The following HNF4G variants were observed in gnomAD, a reference collection of about 807,000 sequenced individuals.
HNF4G encodes hepatocyte nuclear factor 4 gamma, also known as hepatocyte nuclear factor 4-gamma.
A neutral mutation model predicts 50.9 loss-of-function variants in HNF4G; 21 were observed. That is an observed-to-expected ratio of 0.41 (90% CI 0.29 to 0.59). The LOEUF (loss-of-function observed/expected upper bound fraction) is 0.59. Among genes scored for constraint, HNF4G ranks in the 20% least tolerant of loss-of-function variants. The pLI, the probability that HNF4G is intolerant of heterozygous loss-of-function variation, is 0.26. For synonymous variants in HNF4G, 198 were observed against 185.6 expected (o/e 1.07, Z -0.54); for missense variants, 527 against 559.4 (o/e 0.94, Z 0.58).
intron 2 of HNF4G, among the ~76,000 whole-genome samples, chr8:75,507,741 GA>G (rs1368681104): frequency 1.3e-5 from 2 of 152,090 alleles, no homozygotes; most frequent in Admixed American, 1.3e-4. Flanking sequence ...TGTTCAAAAA[GA>G]ATTAATTCAT....
intron 1 of HNF4G, among the ~76,000 whole-genome samples, chr8:75,437,942 A>G (rs1811179203): frequency 6.6e-6 from 1 of 152,182 alleles, no homozygotes; most frequent in Non-Finnish European, 1.5e-5. Context: ...TTATTTCTAA[A>G]TAAAATGCTA....
chr8:75,429,371 T>G (rs940536847), intron 1 of HNF4G, among the ~76,000 whole-genome samples: 15 of 152,176 alleles, frequency 9.9e-5, no homozygotes, highest in Non-Finnish European at 1.5e-5. Flanking sequence ...TTTCTCTCTT[T>G]TTTTTTCTTT....
chr8:75,433,557 C>CAGT (rs143952455), intron 1 of HNF4G, among the ~76,000 whole-genome samples: 44 of 151,496 alleles, frequency 2.9e-4, no homozygotes, highest in East Asian at 2.3e-3. Flanking sequence ...TTACTATTAT[C>CAGT]AGTAGTAGTA....
At chr8:75,466,625 C>T (rs1315297790) in intron 1 of HNF4G, among the ~76,000 whole-genome samples, 8 of 82,336 alleles carry the variant, frequency 9.7e-5, no homozygotes, top group African/African-American at 2.3e-4. Flanking sequence ...TCCTTCCTTC[C>T]TTCCTTCCTT....
chr8:75,548,734 A>T (rs1806861350), intron 3 of HNF4G, among the ~76,000 whole-genome samples: 1 of 152,210 alleles, frequency 6.6e-6, no homozygotes, highest in South Asian at 2.1e-4. Context: ...TTTCACAACT[A>T]TTTCACAAAC....
rs185295137 is a variant in HNF4G at position 75,421,030 on chromosome 8, C to A, written c.-144+12868C>A. ...ACTTTTAGTTCTCTTATAGCCACATCGCAGGTAAGTAGAAACAAAGGAAAG... is the reference window on the plus strand; with the variant it reads ...ACTTTTAGTTCTCTTATAGCCACATAGCAGGTAAGTAGAAACAAAGGAAAG... On this transcript the variant is annotated intron_variant, in intron 1 of 10. Transcript: ENST00000354370. 1.5e-3 allele frequency among the ~76,000 whole-genome samples: 229 copies of A among 152,218 alleles called. 1 individual carries two copies. Among genetic ancestry groups the A allele is most frequent in the Non-Finnish European group, 2.7e-3 (186 of 68,030 alleles).
rs780684408 is a variant in HNF4G at position 75,553,097 on chromosome 8, G to T, written c.545G>T (p.Ser182Ile). 1 of 1,612,534 alleles carries T rather than the reference G, an allele frequency of 6.2e-7. No homozygotes were observed. Among genetic ancestry groups the T allele is most frequent in the Non-Finnish European group, 8.5e-7 (1 of 1,179,026 alleles). Residue 182 changes from serine to isoleucine, a missense_variant, in exon 5 of 10, where the codon AGT (serine) becomes ATT (isoleucine). Transcript: ENST00000396423. Reference sequence around the variant, plus strand: ...GACATAAACGTTAAGAAAATTGCAAGTATTGGTGATGTCTGTGAATCTATG... The same window carrying T: ...GACATAAACGTTAAGAAAATTGCAATTATTGGTGATGTCTGTGAATCTATG... ...STDINVKKIASIGDVCESMKQ... is the reference protein window; with the variant it reads ...STDINVKKIAIIGDVCESMKQ...
chr8:75,501,827 C>CT (rs1466682997), intron 2 of HNF4G, among the ~76,000 whole-genome samples: 2 of 118,132 alleles, frequency 1.7e-5, no homozygotes, highest in East Asian at 4.7e-4. Flanking sequence ...ACATAATTAT[C>CT]TTTTTTTCAT....
Position 75,435,018 on chromosome 8 carries a change from A to G in HNF4G, c.-144+26856A>G, listed in dbSNP as rs1811103973. ...AACCTATAATTTCAGTCTTACTTTA[A>G]CTCTTTAAAAGAACAGAACATTTGG... On this transcript the variant is annotated intron_variant, in intron 1 of 10. Transcript: ENST00000354370. Among the ~76,000 whole-genome samples, 3 of 152,164 alleles carry G rather than the reference A, an allele frequency of 2.0e-5. No homozygotes were observed. In the South Asian group the frequency reaches 6.2e-4, roughly 32 times the overall value.
At chr8:75,538,706 G>A (rs2977927), upstream of HNF4G, among the ~76,000 whole-genome samples, 1 of 152,132 alleles carries the variant, frequency 6.6e-6, no homozygotes, top group Non-Finnish European at 1.5e-5. Context: ...TCACAATTAA[G>A]AGTATACAGA....
At chr8:75,480,745 A>G (rs919087314) in intron 1 of HNF4G, among the ~76,000 whole-genome samples, 1 of 146,694 alleles carries the variant, frequency 6.8e-6, no homozygotes, top group Non-Finnish European at 1.5e-5. Flanking sequence ...TTGAGACAGA[A>G]TCTCACCCAG....
chr8:75,499,529 G>A (rs577130702), intron 2 of HNF4G, among the ~76,000 whole-genome samples: 1 of 151,774 alleles, frequency 6.6e-6, no homozygotes, highest in African/African-American at 2.4e-5. Flanking sequence ...TTGACAAGCT[G>A]ATAATAAAGT....
chr8:75,553,305 G>C, intron 5 of HNF4G, 108 bp downstream of exon 5: 1 of 876,254 alleles, frequency 1.1e-6, no homozygotes, highest in Non-Finnish European at 1.7e-6. Context: ...ACTGTATTTG[G>C]CAAAAGATAA....
At chr8:75,551,295 C>T (rs913868556) in intron 3 of HNF4G, 93 bp from the exon 4 acceptor site, 3 of 668,584 alleles carry the variant, frequency 4.5e-6, no homozygotes, top group Non-Finnish European at 5.2e-6. Context: ...CTTTTTCTCA[C>T]TTTTTTTACT....
rs377394041 is a variant in HNF4G at position 75,526,529 on chromosome 8, TTTC to T, written c.-23-17267_-23-17265del. ...GTCTCCTTCTCCTTCTCCTTTCTCC[TTTC>T]TTCTTCTTCTTCTTTTTTTGAGACA... On this transcript the variant is annotated intron_variant, in intron 2 of 10. Coordinates refer to the HNF4G transcript ENST00000354370. Among the ~76,000 whole-genome samples, 985 of 151,662 alleles carry T rather than the reference TTTC, an allele frequency of 6.5e-3. 18 individuals are homozygous for T. Among genetic ancestry groups the T allele is most frequent in the African/African-American group, 0.022 (912 of 41,342 alleles).
At chr8:75,482,183 T>A (rs973604304) in intron 1 of HNF4G, among the ~76,000 whole-genome samples, 1 of 152,098 alleles carries the variant, frequency 6.6e-6, no homozygotes, top group African/African-American at 2.4e-5. Flanking sequence ...CCTTCCTGAA[T>A]AAAAATGAGA....
At position 75,566,535 on chromosome 8, in the gene HNF4G, G is replaced by A. The variant is rs1220255616; in HGVS notation, c.*2439G>A. The A allele has an allele frequency of 6.6e-6, 1 of 152,228 alleles. No homozygotes were observed. Among genetic ancestry groups the A allele is most frequent in the African/African-American group, 2.4e-5 (1 of 41,338 alleles). The allele number at this position is 152,228 out of a possible 1,614,324, so 9.4% of individuals were successfully genotyped here. On this transcript the variant is annotated 3_prime_UTR_variant, in exon 10 of 10. Transcript: ENST00000396423. ...TTATAATATTATATTTTTATATACT[G>A]AACTGCCATAGATGCTGGAAAAAAG... is the stretch of plus-strand genomic sequence containing the variant.
At chr8:75,457,173 T>C (rs1399902105) in intron 1 of HNF4G, among the ~76,000 whole-genome samples, 1 of 152,238 alleles carries the variant, frequency 6.6e-6, no homozygotes, top group Non-Finnish European at 1.5e-5. Flanking sequence ...CCTCAGGCTC[T>C]TTATTATAGC....
intron 2 of HNF4G, among the ~76,000 whole-genome samples, chr8:75,534,191 A>T (rs190917533): frequency 2.6e-5 from 4 of 152,054 alleles, no homozygotes. Flanking sequence ...AGTAGCAACA[A>T]TGATAATACC....
Sources: gnomAD v4.1 joint callset for allele counts (sites outside exome capture counted in the v4.1 genomes callset) on GRCh38, gnomAD v4.1.1 for gene constraint, MANE v1.5 for transcripts, NCBI Gene and HGNC (gene_info 2026-07-23, HGNC 2026-07-21) for gene names.